Variants in BAIAP3 observed in about 807,000 individuals in gnomAD.
BAIAP3 encodes the protein BAI1 associated protein 3.
BAIAP3 carries 180 observed loss-of-function variants against 149.7 expected under a neutral mutation model. That is an observed-to-expected ratio of 1.20 (90% CI 1.07 to 1.36). The LOEUF (loss-of-function observed/expected upper bound fraction) is 1.36. Among genes scored for constraint, BAIAP3 ranks in the 40% most tolerant of loss-of-function variants. BAIAP3 has a pLI of 0.00. For synonymous variants in BAIAP3, 845 were observed against 670.7 expected (o/e 1.26, Z -4.02); for missense variants, 1,767 against 1,563.4 (o/e 1.13, Z -2.20).
chr16:1,344,257 C>T lies in BAIAP3; in HGVS notation c.1542C>T (p.Pro514=). The part of the protein sequence containing the change: ...KCLGKLQLFQ[P]SFEICPFESE... ...TGGGCAAGCTGCAGCTCTTCCAACC[C>T]TCCTTTGAGATCTGCCCCTTCGAGT... Residue 514 remains proline (P), a synonymous_variant, in exon 17 of 34, where the codon CCC becomes CCT. Coordinates refer to ENST00000426824, the MANE Select transcript of BAIAP3 (RefSeq NM_001199097.2). 1 of 1,613,782 alleles carries T rather than the reference C, an allele frequency of 6.2e-7. No homozygotes were observed. Among genetic ancestry groups the T allele is most frequent in the Non-Finnish European group, 8.5e-7 (1 of 1,179,994 alleles).
Position 1,344,013 on chromosome 16 carries a change from T to TC in BAIAP3, c.1387-5dup. The stretch of plus-strand genomic sequence containing the variant: ...GGGCTGCTGGCACTGAAGGGCCCTG[T>TC]CCCCACAGGAGGAGAGCCTGGCTGA... On this transcript the variant is annotated splice_polypyrimidine_tract_variant and intron_variant, in intron 15 of 33. Coordinates refer to ENST00000426824, the MANE Select transcript of BAIAP3 (RefSeq NM_001199097.2). The TC allele has an allele frequency of 1.2e-6, 2 of 1,611,930 alleles. No individual in the cohort carries two copies. The highest frequency in any genetic ancestry group is 8.5e-7 in the Non-Finnish European group (1 of 1,179,836).
intron 1 of BAIAP3, among the ~76,000 whole-genome samples, chr16:1,337,189 G>T (rs1362145176): frequency 1.3e-5 from 2 of 152,194 alleles, no homozygotes; most frequent in Non-Finnish European, 1.5e-5. Flanking sequence ...GTTGAAGGGG[G>T]TGTGCAGGGC....
rs758002769 is a variant in BAIAP3 at position 1,345,052 on chromosome 16, C to T, written c.1893C>T (p.Tyr631=). 2 of 1,612,476 alleles carry T rather than the reference C, an allele frequency of 1.2e-6. No homozygotes were observed. The highest frequency in any genetic ancestry group is 8.5e-7 in the Non-Finnish European group (1 of 1,180,008). Reference sequence around the variant, plus strand: ...TGGCCTCGGGGCTCTTTGAGCTCTACCTGACCCTGGCTGACCTCCAGCGCT... The same window carrying T: ...TGGCCTCGGGGCTCTTTGAGCTCTATCTGACCCTGGCTGACCTCCAGCGCT... ...LEVASGLFEL[Y]LTLADLQRFW... is the part of the protein sequence containing the mutation. The change falls in exon 21 of 34, where the codon TAC becomes TAT. Residue 631 remains tyrosine, a synonymous_variant. Coordinates refer to ENST00000426824, the MANE Select transcript of BAIAP3 (RefSeq NM_001199097.2).
chr16:1,343,900 C>A, intron 15 of BAIAP3, 122 bp from the exon 16 acceptor site: 1 of 1,482,260 alleles, frequency 6.7e-7, no homozygotes, highest in Non-Finnish European at 9.1e-7. Context: ...GAGGGTGCTG[C>A]TCAGAGCAGA....
At chr16:1,342,504 C>G in intron 11 of BAIAP3, 23 bp from the exon 12 acceptor site, 1 of 1,545,210 alleles carries the variant, frequency 6.5e-7, no homozygotes, top group Non-Finnish European at 8.7e-7. Context: ...GTCTGGTGGG[C>G]CTGACCCCCA....
At chr16:1,335,450 C>T (rs11648169) in intron 1 of BAIAP3, among the ~76,000 whole-genome samples, 1 of 149,046 alleles carries the variant, frequency 6.7e-6, no homozygotes, top group Non-Finnish European at 1.5e-5. Flanking sequence ...ACGTCTGGGC[C>T]CACGGGAAAG....
At position 1,344,838 on chromosome 16, in the gene BAIAP3, C is replaced by G; in HGVS notation, c.1798C>G (p.Leu600Val). ...CGTCTTCACCCTGACCTTCCGGCAG[C>G]TGGAGCGTCTGGTGAGGAGGGTCCC... is the stretch of plus-strand genomic sequence containing the variant. Reference protein sequence around the residue: ...VDVFTLTFRQLERLVAEEAWV... With the variant: ...VDVFTLTFRQVERLVAEEAWV... The change falls in exon 20 of 34, where the codon CTG (leucine) becomes GTG (valine). Residue 600 changes from leucine (L) to valine (V), a missense_variant. By Grantham distance (32) the Leu-to-Val change is conservative. Coordinates refer to ENST00000426824, the MANE Select transcript of BAIAP3 (RefSeq NM_001199097.2). The G allele has an allele frequency of 6.2e-7, 1 of 1,613,810 alleles. No homozygotes were observed. Among genetic ancestry groups the G allele is most frequent in the Non-Finnish European group, 8.5e-7 (1 of 1,180,034 alleles).
rs2034170953 is a variant in BAIAP3, at chr16:1,344,474, C to T, written c.1608C>T (p.Gly536=). Residue 536 remains glycine, a synonymous_variant, in exon 18 of 34, where the codon GGC becomes GGT. Coordinates refer to ENST00000426824, the MANE Select transcript of BAIAP3 (RefSeq NM_001199097.2). ...NMDIAAALKR[G]NREWYDRILN... ...CTTGGTGGTGTCTGTTGCAGAGAGG[C>T]AACCGTGAGTGGTACGACAGGATCC... 1 of 1,613,510 alleles carries T rather than the reference C, an allele frequency of 6.2e-7. No individual in the cohort carries two copies. The highest frequency in any genetic ancestry group is 8.5e-7 in the Non-Finnish European group (1 of 1,180,002).
In BAIAP3 at chr16:1,346,442, A is replaced by T. The variant is rs2034371128; in HGVS notation, c.2494A>T (p.Met832Leu). ...HTVTAHLTSK[M>L]VGDIRKYVQH... is the part of the protein sequence containing the mutation. ...TGCTGAGCACTGCTCCTGCCCTCAG[A>T]TGGTGGGCGACATCCGCAAGTATGT... Residue 832 changes from methionine to leucine, a missense_variant and splice_region_variant, in exon 26 of 34, where the codon ATG (methionine) becomes TTG (leucine). By Grantham distance (15) the Met-to-Leu change is conservative. Transcript: ENST00000426824. 1 of 1,612,208 alleles carries T rather than the reference A, an allele frequency of 6.2e-7. No individual in the cohort carries two copies. The highest frequency in any genetic ancestry group is 1.7e-5 in the Admixed American group (1 of 59,904).
Position 1,341,279 on chromosome 16 carries a change from G to A in BAIAP3, c.536-15G>A, listed in dbSNP as rs769931870. The A allele has an allele frequency of 1.9e-5, 30 of 1,606,284 alleles. No homozygotes were observed. The highest frequency in any genetic ancestry group is 5.5e-5 in the South Asian group (5 of 90,780). On this transcript the variant is annotated splice_polypyrimidine_tract_variant and intron_variant, in intron 7 of 33. Transcript: ENST00000426824. ...GAGGGCGTGGGGCCAGGGCTGAGACGCCTGCCGTGCCCAGGCTTCAGCGAC... is the reference window on the plus strand; with the variant it reads ...GAGGGCGTGGGGCCAGGGCTGAGACACCTGCCGTGCCCAGGCTTCAGCGAC...
rs775757511 is a variant in BAIAP3, at chr16:1,348,091, C to T, written c.3150-5C>T. ...GCGAGACTCCCGACTGGCCTCTGTC[C>T]GCAGTTCCGTGCCTGCCGAGGCGTG... On this transcript the variant is annotated splice_polypyrimidine_tract_variant and splice_region_variant and intron_variant, in intron 32 of 33. Coordinates refer to ENST00000426824, the MANE Select transcript of BAIAP3 (RefSeq NM_001199097.2). 16 of 1,601,876 alleles carry T rather than the reference C, an allele frequency of 1.0e-5. No homozygotes were observed. Among genetic ancestry groups the T allele is most frequent in the Middle Eastern group, 3.3e-4 (2 of 6,080 alleles).
rs192813507 is a variant in BAIAP3 at position 1,337,785 on chromosome 16, C to A, written c.-10-755C>A. Among the ~76,000 whole-genome samples, 470 of 152,336 alleles carry A rather than the reference C, an allele frequency of 3.1e-3. 1 individual carries two copies. Among genetic ancestry groups the A allele is most frequent in the Middle Eastern group, 0.01 (3 of 294 alleles). On this transcript the variant is annotated intron_variant, in intron 1 of 33. Transcript: ENST00000426824. Reference sequence around the variant, plus strand: ...GGGAGGGAACTGTAGCCCCTACACCCGGCATTTTCCAGCGGGGCCCGGCTC... The same window carrying A: ...GGGAGGGAACTGTAGCCCCTACACCAGGCATTTTCCAGCGGGGCCCGGCTC...
chr16:1,348,994 C>T lies in BAIAP3; in HGVS notation c.*512C>T, dbSNP rs1025971013. 34 of 275,710 alleles carry T rather than the reference C, an allele frequency of 1.2e-4. No homozygotes were observed. The highest frequency in any genetic ancestry group is 9.6e-4 in the Admixed American group (19 of 19,788). The allele number at this position is 275,710 out of a possible 1,614,324, so 17.1% of individuals were successfully genotyped here. ...TGCAAAGGGCAGGTGAGTCAAGAACCGCATAGGTCTCCAGTCCCCACGGGG... is the reference window on the plus strand; with the variant it reads ...TGCAAAGGGCAGGTGAGTCAAGAACTGCATAGGTCTCCAGTCCCCACGGGG... On this transcript the variant is annotated 3_prime_UTR_variant, in exon 34 of 34. Transcript: ENST00000426824.
At position 1,347,213 on chromosome 16, in the gene BAIAP3, C is replaced by T; in HGVS notation, c.2752-85C>T. On this transcript the variant is annotated intron_variant, in intron 28 of 33. Transcript: ENST00000426824. ...TTGGCTGCTGAGCCCCCAGTGCTGC[C>T]TGGGCCCCTTTGTGCTGGGGGTCTC... The T allele has an allele frequency of 4.3e-6, 6 of 1,385,634 alleles. No homozygotes were observed. The South Asian group carries it at 7.6e-5, about 18-fold the overall frequency. 85.8% of individuals were successfully genotyped at this position (1,385,634 alleles called of 1,614,324 possible). A position where few individuals can be genotyped will look rare whatever the true frequency, so the allele number is the denominator to read the frequency against.
chr16:1,339,197 G>A lies in BAIAP3; in HGVS notation c.253G>A (p.Glu85Lys), dbSNP rs758094564. The A allele has an allele frequency of 6.4e-7, 1 of 1,565,112 alleles. No homozygotes were observed. The highest frequency in any genetic ancestry group is 1.2e-5 in the South Asian group (1 of 85,618). The part of the protein sequence containing the change: ...PLRSGSPAPP[E>K]PVDPSLGLRA... ...GCGCAGTGGCTCGCCAGCACCCCCGGAGCCTGTGGATCCCAGCCTCGGCCT... is the reference window on the plus strand; with the variant it reads ...GCGCAGTGGCTCGCCAGCACCCCCGAAGCCTGTGGATCCCAGCCTCGGCCT... The change falls in exon 4 of 34, where the codon GAG becomes AAG. Residue 85 changes from glutamate to lysine, a missense_variant. Transcript: ENST00000426824.
Position 1,341,172 on chromosome 16 carries a change from A to G in BAIAP3, c.512A>G (p.Asn171Ser). ...ALKVSVMRAK[N>S]LLAKDPNGFS... ...AAAGTCTCTGTCATGCGTGCCAAGA[A>G]CCTTCTGGCCAAGGACCCCAACGGT... The change falls in exon 7 of 34, where the codon AAC (asparagine) becomes AGC (serine). Residue 171 changes from asparagine to serine, a missense_variant. By Grantham distance (46) the Asn-to-Ser change is conservative. Transcript: ENST00000426824. The G allele has an allele frequency of 6.2e-7, 1 of 1,612,622 alleles. No individual in the cohort carries two copies. The highest frequency in any genetic ancestry group is 1.1e-5 in the South Asian group (1 of 91,054).
chr16:1,343,111 G>T, intron 14 of BAIAP3, 95 bp downstream of exon 14: 1 of 1,132,794 alleles, frequency 8.8e-7, no homozygotes, highest in Non-Finnish European at 1.3e-6. Context: ...TCGTGGCTGG[G>T]AGGGTGGGGC....
chr16:1,346,822 C>T (rs773976913), intron 27 of BAIAP3, 25 bp from the exon 28 acceptor site: 14 of 1,562,904 alleles, frequency 9.0e-6, no homozygotes, highest in East Asian at 2.3e-5. Context: ...GGGGCTGGCC[C>T]GTGGTCACTG....
chr16:1,339,463 G>A (rs749605753), intron 4 of BAIAP3, 33 bp from the exon 5 acceptor site: 7 of 1,583,832 alleles, frequency 4.4e-6, no homozygotes, highest in African/African-American at 1.3e-5. Context: ...GGCCTGGGAC[G>A]CGGCACTGTG....
Sources: allele counts gnomAD v4.1 joint callset (sites outside exome capture counted in the v4.1 genomes callset), GRCh38; gene constraint gnomAD v4.1.1; transcripts MANE v1.5; gene names NCBI Gene and HGNC (gene_info 2026-07-23, HGNC 2026-07-21).